Variants in KIRREL3 observed in about 807,000 individuals in gnomAD.
KIRREL3 encodes kirre like nephrin family adhesion molecule 3, also known as kin of IRRE-like protein 3.
In KIRREL3, 36 loss-of-function variants were observed where a neutral mutation model predicts 89.7. The observed-to-expected ratio is 0.40, with a 90% CI of 0.31 to 0.53. The LOEUF is 0.53. Among genes scored for constraint, KIRREL3 ranks in the 20% least tolerant of loss-of-function variants. The pLI is 0.49. For missense variants in KIRREL3, 864 were observed against 1,056.6 expected, an observed-to-expected ratio of 0.82 and a Z score of 2.53; for synonymous variants, 445 against 441.4, an observed-to-expected ratio of 1.01 and a Z score of -0.10.
rs983814924 is a variant in KIRREL3, at chr11:126,565,510, G to A, written c.56-2598C>T. ...TAGTCTTAATTATTTAGGCGGCTAC[G>A]TTACAAGGCGCTAATAAGCACACTG... On this transcript the variant is annotated intron_variant, in intron 1 of 16. Transcript: ENST00000525144. This position sits in a 1 kb window ranked among gnomAD's most constrained non-coding sequence, Gnocchi z 5.4. Among the ~76,000 whole-genome samples, 3 of 152,160 alleles carry A rather than the reference G, an allele frequency of 2.0e-5. No homozygotes were observed. Among genetic ancestry groups the A allele is most frequent in the African/African-American group, 4.8e-5 (2 of 41,430 alleles).
rs948120 is a variant in KIRREL3 at position 126,908,382 on chromosome 11, G to T, written c.55+92073C>A. ...AGGACTCCGAAGCAGGACTGCTTGT[G>T]TTCAAAACTGGCCTCCATCTCTGAC... On this transcript the variant is annotated intron_variant, in intron 1 of 16. Transcript: ENST00000525144. This position sits in a 1 kb window ranked among gnomAD's most constrained non-coding sequence, Gnocchi z 4.2. 0.33 allele frequency among the ~76,000 whole-genome samples: 50,676 copies of T among 152,044 alleles called. 8,958 individuals carry two copies. Among genetic ancestry groups the T allele is most frequent in the Middle Eastern group, 0.56 (164 of 294 alleles).
intron 1 of KIRREL3, among the ~76,000 whole-genome samples, chr11:126,835,953 G>C (rs892680671): frequency 6.6e-6 from 1 of 152,116 alleles, no homozygotes; most frequent in Non-Finnish European, 1.5e-5. Context: ...TGAACACGGA[G>C]GTTCAGGTAA....
rs1459167225 is a variant in KIRREL3, at chr11:126,993,532, A to G, written c.55+6923T>C. 6.6e-6 allele frequency among the ~76,000 whole-genome samples: 1 copy of G among 152,222 alleles called. No individual in the cohort carries two copies. The highest frequency in any genetic ancestry group is 1.5e-5 in the Non-Finnish European group (1 of 68,036). ...TGCCTTTGCTGATCCACCTGTTTTC[A>G]GAACACTCTGACAGCTCTGAACCCA... is the stretch of plus-strand genomic sequence containing the variant. On this transcript the variant is annotated intron_variant, in intron 1 of 16. Transcript: ENST00000525144. The surrounding 1 kb of genome is among the most constrained non-coding windows in gnomAD (Gnocchi z 6.1).
At position 126,994,791 on chromosome 11, in the gene KIRREL3, A is replaced by C. The variant is rs1300070496; in HGVS notation, c.55+5664T>G. Among the ~76,000 whole-genome samples the C allele has an allele frequency of 1.3e-5, 2 of 152,170 alleles. No homozygotes were observed. The highest frequency in any genetic ancestry group is 2.9e-5 in the Non-Finnish European group (2 of 68,016). Reference sequence around the variant, plus strand: ...CTCTTGTGACCCTTGGCTCTATGGCACAGTGTGCTTTCTGAGAGGACTGAA... The same window carrying C: ...CTCTTGTGACCCTTGGCTCTATGGCCCAGTGTGCTTTCTGAGAGGACTGAA... On this transcript the variant is annotated intron_variant, in intron 1 of 16. Coordinates refer to ENST00000525144, the MANE Select transcript of KIRREL3 (RefSeq NM_032531.4). This position sits in a 1 kb window ranked among gnomAD's most constrained non-coding sequence, Gnocchi z 5.2.
chr11:126,460,631 AAGC>A (rs1956510479), intron 6 of KIRREL3, among the ~76,000 whole-genome samples: 1 of 152,164 alleles, frequency 6.6e-6, no homozygotes, highest in Admixed American at 6.5e-5. Context: ...CTTGGAAAGG[AAGC>A]CAGAAAGGGC....
intron 1 of KIRREL3, among the ~76,000 whole-genome samples, chr11:126,855,951 A>T (rs1363935595): frequency 6.6e-6 from 1 of 152,176 alleles, no homozygotes; most frequent in East Asian, 1.9e-4. Flanking sequence ...GGAGGCACCA[A>T]AAGGTGTTCT....
At chr11:126,450,422 G>A (rs1956009202) in intron 7 of KIRREL3, among the ~76,000 whole-genome samples, 1 of 128,252 alleles carries the variant, frequency 7.8e-6, no homozygotes, top group South Asian at 2.6e-4. Context: ...TGTGTGAGTG[G>A]GCATGTATGT....
Position 126,566,290 on chromosome 11 carries a change from G to A in KIRREL3, c.56-3378C>T, listed in dbSNP as rs1940515173. On this transcript the variant is annotated intron_variant, in intron 1 of 16. Transcript: ENST00000525144. The surrounding 1 kb of genome is among the most constrained non-coding windows in gnomAD (Gnocchi z 4.9). ...CCACCTGTGCAAGGAAAAATGGATTGGAGTAGGGTATGTTTCTTAGGGAGA... is the reference window on the plus strand; with the variant it reads ...CCACCTGTGCAAGGAAAAATGGATTAGAGTAGGGTATGTTTCTTAGGGAGA... Among the ~76,000 whole-genome samples the A allele has an allele frequency of 1.3e-5, 2 of 152,178 alleles. No individual in the cohort carries two copies. The highest frequency in any genetic ancestry group is 6.5e-5 in the Admixed American group (1 of 15,278).
At chr11:126,952,191 G>C (rs1469289933) in intron 1 of KIRREL3, among the ~76,000 whole-genome samples, 3 of 152,126 alleles carry the variant, frequency 2.0e-5, no homozygotes, top group Non-Finnish European at 2.9e-5. Context: ...TTCGAGAGCA[G>C]CCTGGCCTAC....
rs753930176 is a variant in KIRREL3, at chr11:126,946,405, T to G, written c.55+54050A>C. Among the ~76,000 whole-genome samples, 2 of 152,182 alleles carry G rather than the reference T, an allele frequency of 1.3e-5. No homozygotes were observed. Among genetic ancestry groups the G allele is most frequent in the African/African-American group, 2.4e-5 (1 of 41,444 alleles). ...TTGGATCACCTTACTCAAACCACCT[T>G]GGCCTCAGCTTCTTCATTAATAAAA... On this transcript the variant is annotated intron_variant, in intron 1 of 16. Coordinates refer to ENST00000525144, the MANE Select transcript of KIRREL3 (RefSeq NM_032531.4). The surrounding 1 kb of genome is among the most constrained non-coding windows in gnomAD (Gnocchi z 4.1).
At chr11:126,959,024 A>G (rs1405914680) in intron 1 of KIRREL3, among the ~76,000 whole-genome samples, 1 of 152,112 alleles carries the variant, frequency 6.6e-6, no homozygotes, top group Non-Finnish European at 1.5e-5. Flanking sequence ...GGCTTGAATA[A>G]AAAAAAGACT....
rs1300465067 is a variant in KIRREL3, at chr11:126,830,865, A to C, written c.55+169590T>G. Among the ~76,000 whole-genome samples the C allele has an allele frequency of 2.0e-5, 3 of 152,190 alleles. No individual in the cohort carries two copies. The highest frequency in any genetic ancestry group is 4.4e-5 in the Non-Finnish European group (3 of 68,030). ...CCTGTTCCTTTATTAGAGCAATCAG[A>C]AAAAAGATCACATAATTACCAAGAT... On this transcript the variant is annotated intron_variant, in intron 1 of 16. Coordinates refer to ENST00000525144, the MANE Select transcript of KIRREL3 (RefSeq NM_032531.4). The surrounding 1 kb of genome is among the most constrained non-coding windows in gnomAD (Gnocchi z 4.9).
chr11:126,646,655 AG>A (rs1944696474), intron 1 of KIRREL3, among the ~76,000 whole-genome samples: 1 of 151,902 alleles, frequency 6.6e-6, no homozygotes, highest in Non-Finnish European at 1.5e-5. Flanking sequence ...TTGTATTTTT[AG>A]TAGAGACGGG....
chr11:126,899,147 G>A (rs980357689), intron 1 of KIRREL3, among the ~76,000 whole-genome samples: 53 of 151,920 alleles, frequency 3.5e-4, no homozygotes, highest in African/African-American at 1.3e-3. Context: ...GATGCACTAC[G>A]ATCTTGTAAA....
intron 1 of KIRREL3, among the ~76,000 whole-genome samples, chr11:126,852,271 C>T (rs1944368721): frequency 6.6e-6 from 1 of 152,042 alleles, no homozygotes. Context: ...CCAGGATGGT[C>T]TCGATCTTTC....
chr11:126,902,345 A>G (rs1946406521), intron 1 of KIRREL3, among the ~76,000 whole-genome samples: 1 of 152,234 alleles, frequency 6.6e-6, no homozygotes, highest in Non-Finnish European at 1.5e-5. Context: ...CCATTGCTTA[A>G]CATTTCTGGC....
At chr11:126,452,078 G>T (rs1208813501) in intron 7 of KIRREL3, among the ~76,000 whole-genome samples, 1 of 152,042 alleles carries the variant, frequency 6.6e-6, no homozygotes, top group Non-Finnish European at 1.5e-5. Context: ...ATCCAGCCCC[G>T]AGAGACGACT....
At chr11:126,804,509 T>G (rs913117943) in intron 1 of KIRREL3, among the ~76,000 whole-genome samples, 1 of 152,214 alleles carries the variant, frequency 6.6e-6, no homozygotes, top group Non-Finnish European at 1.5e-5. Context: ...TAGACTCTTG[T>G]GGGAAGATGT....
rs1946700862 is a variant in KIRREL3, at chr11:126,909,043, T to C, written c.55+91412A>G. Among the ~76,000 whole-genome samples, 1 of 152,216 alleles carries C rather than the reference T, an allele frequency of 6.6e-6. No homozygotes were observed. Among genetic ancestry groups the C allele is most frequent in the South Asian group, 2.1e-4 (1 of 4,826 alleles). On this transcript the variant is annotated intron_variant, in intron 1 of 16. Coordinates refer to ENST00000525144, the MANE Select transcript of KIRREL3 (RefSeq NM_032531.4). This position sits in a 1 kb window ranked among gnomAD's most constrained non-coding sequence, Gnocchi z 4.5. ...AATTTGTGTTATTTTTTATTGTTGATTTGTATTTTTCAAATATTGTCTATT... is the reference window on the plus strand; with the variant it reads ...AATTTGTGTTATTTTTTATTGTTGACTTGTATTTTTCAAATATTGTCTATT...
Sources: gnomAD v4.1 joint callset for allele counts (sites outside exome capture counted in the v4.1 genomes callset) on GRCh38, gnomAD v4.1.1 for gene constraint, Gnocchi (gnomAD v3.1) non-coding constraint, MANE v1.5 for transcripts, NCBI Gene and HGNC (gene_info 2026-07-23, HGNC 2026-07-21) for gene names.